FSTL5: variants seen among roughly 807,000 people sequenced by gnomAD.
FSTL5 encodes the protein follistatin like 5.
Under a neutral mutation model 89.1 loss-of-function variants are expected in FSTL5, and 62 were observed. That is an observed-to-expected ratio of 0.70 (90% CI 0.57 to 0.86). The LOEUF is 0.86. Ranked by LOEUF, FSTL5 falls within the 40% of genes least tolerant of loss-of-function variation. The probability of loss-of-function intolerance (pLI) is 0.00; values close to 1 mark genes in which losing one functional copy is unlikely to be tolerated. For synonymous variants in FSTL5, 383 were observed against 346.2 expected, an observed-to-expected ratio of 1.11 and a Z score of -1.18; for missense variants, 1,057 against 1,001.6, an observed-to-expected ratio of 1.06 and a Z score of -0.75.
Position 161,538,410 on chromosome 4 carries a change from T to C in FSTL5, c.1178-110A>G, listed in dbSNP as rs112438097. 5.5e-4 allele frequency: 657 copies of C among 1,192,020 alleles called. 3 individuals carry two copies. In the African/African-American group the frequency reaches 6.5e-3, roughly 12 times the overall value. The allele number at this position is 1,192,020 out of a possible 1,614,324, so 73.8% of individuals were successfully genotyped here. A position where few individuals can be genotyped will look rare whatever the true frequency, so the allele number is the denominator to read the frequency against. ...CTTGGCTTGTCCTAATTAAACTGTTTCCCTTCCTACTTCCATACTTTGAAG... is the reference window on the plus strand; with the variant it reads ...CTTGGCTTGTCCTAATTAAACTGTTCCCCTTCCTACTTCCATACTTTGAAG... On this transcript the variant is annotated intron_variant, in intron 9 of 15. Transcript: ENST00000306100.
chr4:161,627,737 T>C (rs909718933), intron 7 of FSTL5, among the ~76,000 whole-genome samples: 1 of 152,122 alleles, frequency 6.6e-6, no homozygotes, highest in Non-Finnish European at 1.5e-5. Context: ...TATGACAATT[T>C]TGAATATCAT....
At position 161,859,709 on chromosome 4, in the gene FSTL5, A is replaced by G. The variant is rs17041672; in HGVS notation, c.409+60695T>C. ...ATACATTCCTACTGCCTTTATTTCT[A>G]TCTTAGAGGAATAGAAGGGAGGTAT... On this transcript the variant is annotated intron_variant, in intron 4 of 15. Coordinates refer to ENST00000306100, the MANE Select transcript of FSTL5 (RefSeq NM_020116.5). Among the ~76,000 whole-genome samples the G allele has an allele frequency of 5.7e-3, 875 of 152,290 alleles. 8 individuals carry two copies. Among genetic ancestry groups the G allele is most frequent in the African/African-American group, 0.02 (824 of 41,556 alleles).
intron 6 of FSTL5, among the ~76,000 whole-genome samples, chr4:161,728,345 T>G (rs1197981885): frequency 6.6e-6 from 1 of 152,132 alleles, no homozygotes; most frequent in Non-Finnish European, 1.5e-5. Context: ...CGGGGGCATT[T>G]GGAGTCACAT....
chr4:161,968,424 A>C (rs1230203589), intron 3 of FSTL5, among the ~76,000 whole-genome samples: 1 of 152,174 alleles, frequency 6.6e-6, no homozygotes, highest in Non-Finnish European at 1.5e-5. Flanking sequence ...AGAGTTGAAA[A>C]GCAGTTTTGA....
At chr4:161,674,040 C>A (rs1737215395) in intron 6 of FSTL5, among the ~76,000 whole-genome samples, 1 of 151,832 alleles carries the variant, frequency 6.6e-6, no homozygotes, top group African/African-American at 2.4e-5. Flanking sequence ...TACTATTCAG[C>A]ATACCATTAA....
At chr4:162,110,494 T>C (rs1579035818) in intron 2 of FSTL5, among the ~76,000 whole-genome samples, 2 of 151,896 alleles carry the variant, frequency 1.3e-5, no homozygotes, top group Admixed American at 1.3e-4. Context: ...GTCTTTCTTA[T>C]AGACAAGTTG....
At chr4:162,062,076 G>A (rs574285327) in intron 2 of FSTL5, among the ~76,000 whole-genome samples, 66 of 151,808 alleles carry the variant, frequency 4.3e-4, no homozygotes, top group Non-Finnish European at 8.2e-4. Flanking sequence ...TTTTCCAAAC[G>A]ATCTGAATTG....
At chr4:161,754,045 TA>T (rs10649973) in intron 6 of FSTL5, among the ~76,000 whole-genome samples, 2 of 85,062 alleles carry the variant, frequency 2.4e-5, no homozygotes, top group African/African-American at 9.2e-5. Context: ...CCGTCTCAAT[TA>T]AAAAAAAAAA....
chr4:161,905,970 C>T (rs1043374877), intron 4 of FSTL5, among the ~76,000 whole-genome samples: 3 of 152,268 alleles, frequency 2.0e-5, no homozygotes, highest in Non-Finnish European at 2.9e-5. Context: ...AATTTTAGCA[C>T]AGAAGTGTGG....
intron 6 of FSTL5, among the ~76,000 whole-genome samples, chr4:161,683,539 A>G (rs1737598634): frequency 6.7e-6 from 1 of 150,340 alleles, no homozygotes; most frequent in East Asian, 1.9e-4. Flanking sequence ...TGAGAAAAAA[A>G]CAAAAATAAA....
chr4:161,447,952 C>A (rs899303519), intron 15 of FSTL5, among the ~76,000 whole-genome samples: 2 of 151,916 alleles, frequency 1.3e-5, no homozygotes, highest in Non-Finnish European at 2.9e-5. Context: ...GGGAATCTAA[C>A]GATCCCATGA....
At chr4:162,020,818 T>G (rs546399515) in intron 3 of FSTL5, among the ~76,000 whole-genome samples, 3 of 152,170 alleles carry the variant, frequency 2.0e-5, no homozygotes, top group Admixed American at 1.3e-4. Context: ...AAGATAAAAG[T>G]ATTTCAAATA....
At chr4:161,974,270 C>T (rs535528820) in intron 3 of FSTL5, among the ~76,000 whole-genome samples, 2,046 of 152,154 alleles carry the variant, frequency 0.013, 48 homozygotes, top group African/African-American at 0.042. Context: ...TTAAAGTTCA[C>T]ATGGAACCAA....
intron 4 of FSTL5, among the ~76,000 whole-genome samples, chr4:161,848,590 T>C (rs1178546971): frequency 1.3e-5 from 2 of 152,200 alleles, no homozygotes; most frequent in Non-Finnish European, 2.9e-5. Flanking sequence ...TATTTTTTCA[T>C]GGATTAATCA....
At chr4:161,585,606 AG>A (rs1364891374) in intron 8 of FSTL5, among the ~76,000 whole-genome samples, 3 of 150,194 alleles carry the variant, frequency 2.0e-5, no homozygotes, top group Non-Finnish European at 3.0e-5. Context: ...AAAAAAAAAA[AG>A]GCAGGGCATT....
chr4:161,414,019 T>A lies in FSTL5; in HGVS notation c.1842-27570A>T, dbSNP rs10027987. Among the ~76,000 whole-genome samples the A allele has an allele frequency of 2.7e-3, 408 of 152,276 alleles. 2 individuals are homozygous for A. The highest frequency in any genetic ancestry group is 9.4e-3 in the African/African-American group (391 of 41,566). On this transcript the variant is annotated intron_variant, in intron 15 of 15. Coordinates refer to ENST00000306100, the MANE Select transcript of FSTL5 (RefSeq NM_020116.5). ...TTCTCCAAACCTCAGTGTCACTCCATATTCCCAAGTAAAATATCTGCTGCA... is the reference window on the plus strand; with the variant it reads ...TTCTCCAAACCTCAGTGTCACTCCAAATTCCCAAGTAAAATATCTGCTGCA...
chr4:162,087,149 T>C (rs1419666475), intron 2 of FSTL5, among the ~76,000 whole-genome samples: 1 of 152,058 alleles, frequency 6.6e-6, no homozygotes, highest in Non-Finnish European at 1.5e-5. Context: ...GACTACCTTA[T>C]CTCTGCCAAA....
chr4:162,152,520 C>T (rs909103080), intron 1 of FSTL5, among the ~76,000 whole-genome samples: 1 of 151,868 alleles, frequency 6.6e-6, no homozygotes, highest in Non-Finnish European at 1.5e-5. Flanking sequence ...CTACATAGTC[C>T]CATGATGTCA....
intron 15 of FSTL5, among the ~76,000 whole-genome samples, chr4:161,391,619 T>C (rs6849141): frequency 0.72 from 109,298 of 152,032 alleles, 39,418 homozygotes; most frequent in South Asian, 0.83. Context: ...AGATTGAATG[T>C]CCTTCCTACT....
Sources: gnomAD v4.1 joint callset for allele counts (sites outside exome capture counted in the v4.1 genomes callset) on GRCh38, gnomAD v4.1.1 for gene constraint, MANE v1.5 for transcripts, NCBI Gene and HGNC (gene_info 2026-07-23, HGNC 2026-07-21) for gene names.